GPATCH1: variants seen among roughly 807,000 people sequenced by gnomAD.
GPATCH1 encodes G-patch domain containing 1.
GPATCH1 carries 73 observed loss-of-function variants against 114.9 expected under a neutral mutation model. The ratio of observed to expected loss-of-function variants is 0.64; its 90% CI spans 0.53 to 0.77. GPATCH1 has a LOEUF of 0.77. Among genes scored for constraint, GPATCH1 ranks in the 30% least tolerant of loss-of-function variants. The pLI, the probability that GPATCH1 is intolerant of heterozygous loss-of-function variation, is 0.00. For synonymous variants in GPATCH1, 391 were observed against 428.4 expected (o/e 0.91, Z 1.08); for missense variants, 1,058 against 1,144.3 (o/e 0.92, Z 1.09).
intron 17 of GPATCH1, among the ~76,000 whole-genome samples, chr19:33,123,073 A>AAAAT (rs35241970): frequency 0.086 from 11,838 of 138,286 alleles, 608 homozygotes; most frequent in South Asian, 0.19. Flanking sequence ...TGCTGTCTCA[A>AAAAT]AAATAAATAA....
intron 5 of GPATCH1, 44 bp downstream of exon 5, chr19:33,094,313 C>CTT (rs58636263): frequency 4.6e-4 from 369 of 798,376 alleles, no homozygotes; most frequent in Non-Finnish European, 5.8e-4. Context: ...CTGCAGCGTA[C>CTT]TTTTTTTTTT....
intron 8 of GPATCH1, among the ~76,000 whole-genome samples, chr19:33,100,007 G>A (rs2145315459): frequency 6.6e-6 from 1 of 152,006 alleles, no homozygotes; most frequent in South Asian, 2.1e-4. Context: ...CCGACCTCAG[G>A]TGATCCGCCC....
At chr19:33,091,149 C>T (rs1190046019) in intron 3 of GPATCH1, among the ~76,000 whole-genome samples, 7 of 152,206 alleles carry the variant, frequency 4.6e-5, no homozygotes, top group South Asian at 2.1e-4. Context: ...CGGTGGCTCA[C>T]GCCTGTAATC....
At position 33,095,706 on chromosome 19, in the gene GPATCH1, C is replaced by T. The variant is rs538565952; in HGVS notation, c.554-56C>T. 1.9e-5 allele frequency: 23 copies of T among 1,236,490 alleles called. 1 individual carries two copies. Among genetic ancestry groups the T allele is most frequent in the African/African-American group, 3.0e-5 (2 of 67,286 alleles). 76.6% of individuals were successfully genotyped at this position (1,236,490 alleles called of 1,614,324 possible). A position where few individuals can be genotyped will look rare whatever the true frequency, so the allele number is the denominator to read the frequency against. ...TGTGATCCACCGCGCCCGGCCTGGTCGGGGTTTTCTATTTGTAGTCACTCA... is the reference window on the plus strand; with the variant it reads ...TGTGATCCACCGCGCCCGGCCTGGTTGGGGTTTTCTATTTGTAGTCACTCA... On this transcript the variant is annotated intron_variant, in intron 5 of 19. Coordinates refer to ENST00000170564, the MANE Select transcript of GPATCH1 (RefSeq NM_018025.3).
Position 33,106,896 on chromosome 19 carries a change from C to G in GPATCH1, c.1282C>G (p.Gln428Glu). Residue 428 changes from glutamine to glutamate, a missense_variant, in exon 10 of 20, where the codon CAA becomes GAA. Transcript: ENST00000170564. The part of the protein sequence containing the change: ...RAELLGETPI[Q>E]GSATSVLEFL... ...TGAGTTGCTTGGAGAGACGCCTATT[C>G]AAGGTATGTGCCATGGAGAAGACGG... 3 of 1,608,806 alleles carry G rather than the reference C, an allele frequency of 1.9e-6. No homozygotes were observed. Among genetic ancestry groups the G allele is most frequent in the Non-Finnish European group, 2.6e-6 (3 of 1,175,320 alleles).
chr19:33,123,118 A>G (rs1463777749), intron 17 of GPATCH1, among the ~76,000 whole-genome samples: 1 of 145,078 alleles, frequency 6.9e-6, no homozygotes, highest in Non-Finnish European at 1.5e-5. Flanking sequence ...ATAAATAAAT[A>G]GCTGGGCACG....
At position 33,112,596 on chromosome 19, in the gene GPATCH1, C is replaced by A; in HGVS notation, c.1875C>A (p.Val625=). 6.2e-7 allele frequency: 1 copy of A among 1,613,698 alleles called. No individual in the cohort carries two copies. The highest frequency in any genetic ancestry group is 8.5e-7 in the Non-Finnish European group (1 of 1,179,688). ...PDKLLCKRFN[V]PDPYPDSTLV... is the part of the protein sequence containing the mutation. Reference sequence around the variant, plus strand: ...AGCTTCTATGTAAGAGATTTAATGTCCCTGACCCTTATCCAGAGTAAGTTG... The same window carrying A: ...AGCTTCTATGTAAGAGATTTAATGTACCTGACCCTTATCCAGAGTAAGTTG... The change falls in exon 13 of 20, where the codon GTC becomes GTA. Residue 625 remains valine, a synonymous_variant. Transcript: ENST00000170564.
At chr19:33,091,890 G>T (rs1972600189) in intron 3 of GPATCH1, among the ~76,000 whole-genome samples, 1 of 152,268 alleles carries the variant, frequency 6.6e-6, no homozygotes, top group East Asian at 1.9e-4. Flanking sequence ...AAGAAGTCTA[G>T]ATGTGCTGAG....
Position 33,090,854 on chromosome 19 carries a change from A to G in GPATCH1, c.283A>G (p.Met95Val). ...DKSVLGPEDFMDEEDLSEFGI... is the reference protein window; with the variant it reads ...DKSVLGPEDFVDEEDLSEFGI... Reference sequence around the variant, plus strand: ...ATCTGTTCTTGGTCCTGAAGATTTTATGGATGAAGAGGTGCGTGTGCAAAA... The same window carrying G: ...ATCTGTTCTTGGTCCTGAAGATTTTGTGGATGAAGAGGTGCGTGTGCAAAA... The change falls in exon 3 of 20, where the codon ATG (methionine) becomes GTG (valine). Residue 95 changes from methionine (M) to valine (V), a missense_variant. Physicochemically the swap from Met to Val is conservative, Grantham distance 21 (BLOSUM62 1). Around this residue, in one of 3 missense-constraint regions of GPATCH1, gnomAD observed 34 missense variants for 59.6 expected, o/e 0.57. Coordinates refer to ENST00000170564, the MANE Select transcript of GPATCH1 (RefSeq NM_018025.3). 1 of 1,610,640 alleles carries G rather than the reference A, an allele frequency of 6.2e-7. No homozygotes were observed. Among genetic ancestry groups the G allele is most frequent in the South Asian group, 1.1e-5 (1 of 90,976 alleles).
chr19:33,098,938 CCT>C (rs1286584448), intron 8 of GPATCH1, among the ~76,000 whole-genome samples: 8 of 151,208 alleles, frequency 5.3e-5, no homozygotes, highest in South Asian at 2.1e-4. Flanking sequence ...TTTTTTTTCC[CCT>C]GAGTCATTTA....
chr19:33,101,693 A>G (rs1972728249), intron 9 of GPATCH1, 119 bp downstream of exon 9: 2 of 627,596 alleles, frequency 3.2e-6, no homozygotes, highest in Non-Finnish European at 5.6e-6. Flanking sequence ...TTCAAAAAAC[A>G]ACAGCCTGGT....
At chr19:33,121,906 A>G (rs1255324009) in intron 17 of GPATCH1, among the ~76,000 whole-genome samples, 2 of 152,214 alleles carry the variant, frequency 1.3e-5, no homozygotes, top group African/African-American at 4.8e-5. Flanking sequence ...TACTGGTTTG[A>G]TTAGCTAACT....
At chr19:33,114,651 AC>A (rs1218846239) in intron 15 of GPATCH1, among the ~76,000 whole-genome samples, 1 of 152,074 alleles carries the variant, frequency 6.6e-6, no homozygotes, top group Non-Finnish European at 1.5e-5. Context: ...TAGAGTACAA[AC>A]CTAGTAGTGG....
At chr19:33,087,374 C>G (rs1464147669) in intron 1 of GPATCH1, among the ~76,000 whole-genome samples, 1 of 152,042 alleles carries the variant, frequency 6.6e-6, no homozygotes, top group Non-Finnish European at 1.5e-5. Flanking sequence ...TAGGCTAGGC[C>G]TAAAATGTAT....
intron 4 of GPATCH1, 127 bp from the exon 5 acceptor site, chr19:33,094,045 T>A (rs1445432114): frequency 1.6e-6 from 1 of 634,696 alleles, no homozygotes; most frequent in African/African-American, 1.8e-5. Context: ...CCAGATGTAA[T>A]GTGGGTGAGG....
At chr19:33,128,461 C>T (rs577542236) in intron 19 of GPATCH1, among the ~76,000 whole-genome samples, 23 of 152,148 alleles carry the variant, frequency 1.5e-4, no homozygotes, top group Admixed American at 6.5e-4. Context: ...GGGGTTTCAC[C>T]GTGTTAGCCA....
chr19:33,099,691 C>T (rs199938717), intron 8 of GPATCH1, among the ~76,000 whole-genome samples: 4 of 151,832 alleles, frequency 2.6e-5, no homozygotes, highest in Non-Finnish European at 5.9e-5. Context: ...CTCCGTCCCC[C>T]GGGTTCAAGC....
intron 12 of GPATCH1, 64 bp from the exon 13 acceptor site, chr19:33,112,422 A>G (rs554165738): frequency 3.8e-6 from 6 of 1,578,912 alleles, no homozygotes; most frequent in South Asian, 3.4e-5. Context: ...AAAATTTTAA[A>G]TGGGAGAGCA....
At chr19:33,093,288 A>G in intron 3 of GPATCH1, 71 bp from the exon 4 acceptor site, 1 of 1,029,440 alleles carries the variant, frequency 9.7e-7, no homozygotes, top group Non-Finnish European at 1.4e-6. Flanking sequence ...TTTTAACAGA[A>G]ATAAAACTAT....
Sources: gnomAD v4.1 joint callset for allele counts (sites outside exome capture counted in the v4.1 genomes callset) on GRCh38, gnomAD v4.1.1 for gene constraint, gnomAD v4.1.1 regional missense constraint, MANE v1.5 for transcripts, NCBI Gene and HGNC (gene_info 2026-07-23, HGNC 2026-07-21) for gene names.